The following ZBTB7C variants were observed in gnomAD, a reference collection of about 807,000 sequenced individuals.
The protein encoded by ZBTB7C is zinc finger and BTB domain containing 7C.
ZBTB7C carries 8 observed loss-of-function variants against 25.7 expected under a neutral mutation model. The ratio of observed to expected loss-of-function variants is 0.31; its 90% CI spans 0.18 to 0.56. The LOEUF (loss-of-function observed/expected upper bound fraction) is 0.56. Among genes scored for constraint, ZBTB7C ranks in the 20% least tolerant of loss-of-function variants. The pLI, the probability that ZBTB7C is intolerant of heterozygous loss-of-function variation, is 0.91. For missense variants in ZBTB7C, 824 were observed against 855.2 expected, an observed-to-expected ratio of 0.96 and a Z score of 0.46; for synonymous variants, 394 against 369.0, an observed-to-expected ratio of 1.07 and a Z score of -0.78.
chr18:48,117,620 A>G (rs949802279), intron 3 of ZBTB7C, among the ~76,000 whole-genome samples: 4 of 152,202 alleles, frequency 2.6e-5, no homozygotes, highest in Non-Finnish European at 4.4e-5. Flanking sequence ...AACACTAGTA[A>G]AGCACTTAAA....
chr18:48,029,773 C>T lies in ZBTB7C; in HGVS notation c.1347G>A (p.Gln449=). ...MRIHTGVRPY[Q]CEFCYKSFTR... is the part of the protein sequence containing the mutation. ...TGAAGCTCTTGTAGCAGAACTCGCA[C>T]TGGTAGGGCCGCACGCCCGTGTGGA... Residue 449 remains glutamine (Q), a synonymous_variant, in exon 5 of 5, where the codon CAG becomes CAA. Coordinates refer to ENST00000590800, the MANE Select transcript of ZBTB7C (RefSeq NM_001318841.2). 6.2e-7 allele frequency: 1 copy of T among 1,608,664 alleles called. No homozygotes were observed. Among genetic ancestry groups the T allele is most frequent in the East Asian group, 2.2e-5 (1 of 44,866 alleles).
intron 3 of ZBTB7C, among the ~76,000 whole-genome samples, chr18:48,111,375 G>A (rs2039233119): frequency 1.3e-5 from 2 of 152,176 alleles, no homozygotes; most frequent in South Asian, 2.1e-4. Context: ...GGAGTGCAAC[G>A]AATTCATGTA....
rs569450806 is a variant in ZBTB7C, at chr18:48,178,040, C to T, written c.-17+7894G>A. On this transcript the variant is annotated intron_variant, in intron 3 of 4. Transcript: ENST00000590800. ...CCCTCTCCTTGCCCAGCCCCTCCCT[C>T]TCCTTGCCCCTTTAGTGCCCCTGGG... 9.9e-5 allele frequency among the ~76,000 whole-genome samples: 15 copies of T among 152,222 alleles called. No individual in the cohort carries two copies. In the South Asian group the frequency reaches 1.9e-3, roughly 19 times the overall value.
In ZBTB7C at chr18:48,039,222, C is replaced by T. The variant is rs116655171; in HGVS notation, c.1208+678G>A. Among the ~76,000 whole-genome samples the T allele has an allele frequency of 3.8e-3, 585 of 152,302 alleles. 4 individuals carry two copies. Among genetic ancestry groups the T allele is most frequent in the African/African-American group, 0.014 (562 of 41,570 alleles). ...AAAGAGGAGAACATAAAAAGAGGCC[C>T]AGCCTTTAGGTCTGACCCCAAAATG... On this transcript the variant is annotated intron_variant, in intron 4 of 4. Transcript: ENST00000590800.
intron 3 of ZBTB7C, among the ~76,000 whole-genome samples, chr18:48,124,402 A>G (rs2039731648): frequency 6.6e-6 from 1 of 152,134 alleles, no homozygotes; most frequent in Admixed American, 6.5e-5. Context: ...GCAACCAACC[A>G]CCTTTGAGAA....
At chr18:48,326,005 G>A (rs747879653) in intron 2 of ZBTB7C, among the ~76,000 whole-genome samples, 20 of 151,976 alleles carry the variant, frequency 1.3e-4, no homozygotes, top group Non-Finnish European at 2.8e-4. Context: ...CAAGCATTTC[G>A]GTTAAAGTGC....
At chr18:48,390,397 AT>A (rs2047872905) in intron 1 of ZBTB7C, among the ~76,000 whole-genome samples, 1 of 152,172 alleles carries the variant, frequency 6.6e-6, no homozygotes, top group Non-Finnish European at 1.5e-5. Context: ...AAAGAGTGTC[AT>A]TTTTTAAATT....
intron 1 of ZBTB7C, among the ~76,000 whole-genome samples, chr18:48,403,725 G>A (rs890062589): frequency 6.6e-6 from 1 of 152,124 alleles, no homozygotes; most frequent in African/African-American, 2.4e-5. Flanking sequence ...TGGGTACAGT[G>A]TACGCTGCTC....
chr18:48,171,521 C>G (rs9967534), intron 3 of ZBTB7C, among the ~76,000 whole-genome samples: 60,103 of 152,200 alleles, frequency 0.39, 12,414 homozygotes, highest in East Asian at 0.53. Flanking sequence ...CCTGGAAAAT[C>G]CACTGTGCCC....
chr18:48,310,430 T>TAA (rs11429990), intron 2 of ZBTB7C, among the ~76,000 whole-genome samples: 220 of 144,936 alleles, frequency 1.5e-3, no homozygotes, highest in Non-Finnish European at 1.9e-3. Context: ...GATTCAGGTT[T>TAA]AAAAAAAAAA....
At chr18:48,098,651 A>G (rs2144598019) in intron 3 of ZBTB7C, among the ~76,000 whole-genome samples, 1 of 152,220 alleles carries the variant, frequency 6.6e-6, no homozygotes, top group South Asian at 2.1e-4. Context: ...TATGGGAAGG[A>G]TTTCATATCT....
chr18:48,252,114 A>G (rs2144443130), intron 2 of ZBTB7C: 1 of 152,352 alleles, frequency 6.6e-6, no homozygotes, highest in African/African-American at 2.4e-5. Context: ...TAAATTAATG[A>G]AAGAACAAAT....
chr18:48,036,516 A>G (rs1484965768), intron 4 of ZBTB7C, among the ~76,000 whole-genome samples: 3 of 152,168 alleles, frequency 2.0e-5, no homozygotes, highest in African/African-American at 4.8e-5. Flanking sequence ...GCTCTTCCCA[A>G]CATCAAGGAG....
chr18:48,190,230 A>G (rs953867623), intron 2 of ZBTB7C, among the ~76,000 whole-genome samples: 1 of 152,242 alleles, frequency 6.6e-6, no homozygotes, highest in African/African-American at 2.4e-5. Context: ...AGCAAGAAGA[A>G]GACTAAGTGT....
chr18:48,181,207 T>A (rs1393061226), intron 3 of ZBTB7C, among the ~76,000 whole-genome samples: 1 of 152,120 alleles, frequency 6.6e-6, no homozygotes, highest in Non-Finnish European at 1.5e-5. Context: ...AAGCAGATAG[T>A]AAGGACTGGA....
intron 1 of ZBTB7C, among the ~76,000 whole-genome samples, chr18:48,364,571 G>A (rs1200953747): frequency 1.3e-5 from 2 of 152,204 alleles, no homozygotes; most frequent in East Asian, 1.9e-4. Flanking sequence ...TATAGGAGGT[G>A]AGGAAAAAAG....
At chr18:48,219,717 T>C (rs1346685755) in intron 2 of ZBTB7C, among the ~76,000 whole-genome samples, 1 of 152,170 alleles carries the variant, frequency 6.6e-6, no homozygotes, top group Non-Finnish European at 1.5e-5. Flanking sequence ...GGAAGAGAGA[T>C]CTCTGAGCAA....
chr18:48,103,089 T>C (rs1242824947), intron 3 of ZBTB7C, among the ~76,000 whole-genome samples: 3 of 122,260 alleles, frequency 2.5e-5, no homozygotes, highest in Admixed American at 8.8e-5. Context: ...TATATATATC[T>C]TATATATATT....
At chr18:48,077,185 C>T (rs181112073) in intron 3 of ZBTB7C, among the ~76,000 whole-genome samples, 69 of 151,406 alleles carry the variant, frequency 4.6e-4, no homozygotes, top group African/African-American at 1.6e-3. Flanking sequence ...GAGGAGATGT[C>T]GGCTAGAGGG....
Sources: gnomAD v4.1 joint callset for allele counts (sites outside exome capture counted in the v4.1 genomes callset) on GRCh38, gnomAD v4.1.1 for gene constraint, MANE v1.5 for transcripts, NCBI Gene and HGNC (gene_info 2026-07-23, HGNC 2026-07-21) for gene names.